MPZL1: variants seen among roughly 807,000 people sequenced by gnomAD.
MPZL1 encodes the protein myelin protein zero like 1, also known as myelin protein zero-like protein 1.
In MPZL1, 16 loss-of-function variants were observed where a neutral mutation model predicts 29.3. That is an observed-to-expected ratio of 0.55 (90% confidence interval 0.37 to 0.83). MPZL1 has a LOEUF of 0.83. Among genes scored for constraint, MPZL1 ranks in the 40% least tolerant of loss-of-function variants. The pLI, the probability that MPZL1 is intolerant of heterozygous loss-of-function variation, is 0.00. For synonymous variants in MPZL1, 143 were observed against 132.0 expected (o/e 1.08, Z -0.57); for missense variants, 279 against 332.9 (o/e 0.84, Z 1.26).
intron 1 of MPZL1, among the ~76,000 whole-genome samples, chr1:167,760,430 C>G (rs1660961775): frequency 6.6e-6 from 1 of 152,084 alleles, no homozygotes; most frequent in South Asian, 2.1e-4. Context: ...TCTTGATCTC[C>G]TGACCTCGGT....
At chr1:167,732,588 A>T (rs1660294057) in intron 1 of MPZL1, among the ~76,000 whole-genome samples, 1 of 152,076 alleles carries the variant, frequency 6.6e-6, no homozygotes, top group African/African-American at 2.4e-5. Flanking sequence ...AGTACCTGGG[A>T]CTACAGGTGT....
intron 1 of MPZL1, among the ~76,000 whole-genome samples, chr1:167,756,103 A>C (rs1014353131): frequency 2.0e-5 from 3 of 152,172 alleles, no homozygotes; most frequent in African/African-American, 7.2e-5. Context: ...TCATGAGCGG[A>C]AGGAATTGAC....
intron 2 of MPZL1, among the ~76,000 whole-genome samples, chr1:167,766,543 T>G (rs1199907886): frequency 6.6e-6 from 1 of 152,250 alleles, no homozygotes; most frequent in Non-Finnish European, 1.5e-5. Context: ...GCATGTGGAA[T>G]GCCCTTCATA....
chr1:167,776,693 A>G (rs1469287426), intron 5 of MPZL1, among the ~76,000 whole-genome samples: 1 of 152,248 alleles, frequency 6.6e-6, no homozygotes, highest in East Asian at 1.9e-4. Context: ...ACTTGTAGAA[A>G]GTACAGAAGA....
chr1:167,731,680 C>A (rs1392254805), intron 1 of MPZL1, among the ~76,000 whole-genome samples: 2 of 151,854 alleles, frequency 1.3e-5, no homozygotes, highest in Non-Finnish European at 2.9e-5. Context: ...CCTCGTGATT[C>A]CCTCGCCTTG....
chr1:167,783,664 C>T (rs1256998422), intron 5 of MPZL1, among the ~76,000 whole-genome samples: 1 of 152,168 alleles, frequency 6.6e-6, no homozygotes, highest in Non-Finnish European at 1.5e-5. Context: ...CTTAGTTAGG[C>T]AAGTCACTTG....
intron 1 of MPZL1, among the ~76,000 whole-genome samples, chr1:167,731,325 A>G (rs541191370): frequency 0.1 from 11 of 110 alleles, no homozygotes; most frequent in Non-Finnish European, 0.18. Context: ...TATCCCAGCT[A>G]TTCGGGAAGG....
chr1:167,762,113 G>A (rs1166150428), intron 1 of MPZL1, among the ~76,000 whole-genome samples: 2 of 151,996 alleles, frequency 1.3e-5, no homozygotes, highest in African/African-American at 4.8e-5. Flanking sequence ...TCAACTGGGG[G>A]GATTTCACCT....
At chr1:167,747,731 CTT>C (rs904468001) in intron 1 of MPZL1, among the ~76,000 whole-genome samples, 1 of 148,074 alleles carries the variant, frequency 6.8e-6, no homozygotes, top group Non-Finnish European at 1.5e-5. Context: ...TCTACAGCTG[CTT>C]TTTTTTTTAA....
At chr1:167,737,140 T>G (rs572058917) in intron 1 of MPZL1, among the ~76,000 whole-genome samples, 1 of 152,326 alleles carries the variant, frequency 6.6e-6, no homozygotes, top group African/African-American at 2.4e-5. Context: ...TATATGATTG[T>G]CTCCCCAAAT....
chr1:167,762,438 GGAA>G (rs1456967953), intron 1 of MPZL1, among the ~76,000 whole-genome samples: 6 of 152,312 alleles, frequency 3.9e-5, no homozygotes, highest in East Asian at 1.9e-4. Context: ...GCCACGTGGC[GGAA>G]GAAGATTTAT....
At chr1:167,723,284 C>A (rs1660077689) in intron 1 of MPZL1, among the ~76,000 whole-genome samples, 1 of 152,176 alleles carries the variant, frequency 6.6e-6, no homozygotes, top group Admixed American at 6.5e-5. Context: ...TCAGTAATTT[C>A]TTTCTTCATG....
intron 1 of MPZL1, among the ~76,000 whole-genome samples, chr1:167,736,388 A>G (rs554815656): frequency 6.6e-6 from 1 of 152,198 alleles, no homozygotes. Context: ...GAACTGCAGA[A>G]TCTTACCAAC....
chr1:167,739,284 T>TATATATATATATATATATATATATACAC lies in MPZL1; in HGVS notation c.91+17053_91+17080dup, dbSNP rs1439195885. ...ACACATACATATATACATATATACA[T>TATATATATATATATATATATATATACAC]ATATATATATATATATATATATATA... On this transcript the variant is annotated intron_variant, in intron 1 of 5. Transcript: ENST00000359523. Among the ~76,000 whole-genome samples the TATATATATATATATATATATATATACAC allele has an allele frequency of 2.2e-4, 16 of 73,998 alleles. 1 individual carries two copies. Among genetic ancestry groups the TATATATATATATATATATATATATACAC allele is most frequent in the Admixed American group, 9.7e-4 (7 of 7,218 alleles). The allele number at this position is 73,998 out of a possible 152,430, so 48.5% of individuals were successfully genotyped here.
chr1:167,727,970 T>C (rs1660184638), intron 1 of MPZL1, among the ~76,000 whole-genome samples: 1 of 151,150 alleles, frequency 6.6e-6, no homozygotes, highest in South Asian at 2.1e-4. Context: ...CCAGGTTCAG[T>C]GATTCTCCTG....
chr1:167,739,282 C>CACATATATATATATATATACAT (rs1553254286), intron 1 of MPZL1, among the ~76,000 whole-genome samples: 48 of 90,342 alleles, frequency 5.3e-4, no homozygotes, highest in African/African-American at 2.7e-3. Flanking sequence ...TACATATATA[C>CACATATATATATATATATACAT]ATATATATAT....
chr1:167,772,396 T>G lies in MPZL1; in HGVS notation c.380T>G (p.Phe127Cys). 2 of 1,614,030 alleles carry G rather than the reference T, an allele frequency of 1.2e-6. No individual in the cohort carries two copies. Among genetic ancestry groups the G allele is most frequent in the South Asian group, 2.2e-5 (2 of 91,068 alleles). The change falls in exon 3 of 6, where the codon TTT becomes TGT. Residue 127 changes from phenylalanine to cysteine, a missense_variant. Coordinates refer to ENST00000359523, the MANE Select transcript of MPZL1 (RefSeq NM_003953.6). The part of the protein sequence containing the change: ...DASINIENMQ[F>C]IHNGTYICDV... ...TCAATCAACATAGAAAATATGCAGT[T>G]TATACACAATGGCACCTATATCTGT...
intron 1 of MPZL1, among the ~76,000 whole-genome samples, chr1:167,736,479 T>TA: frequency 6.6e-6 from 1 of 152,242 alleles, no homozygotes; most frequent in Non-Finnish European, 1.5e-5. Context: ...CTCAACTCTA[T>TA]ATATCTCTCC....
rs190158787 is a variant in MPZL1, at chr1:167,768,641, G to A, written c.258+2892G>A. Among the ~76,000 whole-genome samples, 63 of 152,206 alleles carry A rather than the reference G, an allele frequency of 4.1e-4. 2 individuals are homozygous for A. In the East Asian group the frequency reaches 6.4e-3, roughly 15 times the overall value. ...ACTGTTTTATTTCCATCTCTCACTG[G>A]TTTGACCAAGACGTTATTCCTCAGT... On this transcript the variant is annotated intron_variant, in intron 2 of 5. Transcript: ENST00000359523.
Sources: allele counts gnomAD v4.1 joint callset (sites outside exome capture counted in the v4.1 genomes callset), GRCh38; gene constraint gnomAD v4.1.1; transcripts MANE v1.5; gene names NCBI Gene and HGNC (gene_info 2026-07-23, HGNC 2026-07-21).